The following THADA variants were observed in gnomAD, a reference collection of about 807,000 sequenced individuals.
THADA encodes the protein THADA armadillo repeat containing.
A neutral mutation model predicts 219.8 loss-of-function variants in THADA; 213 were observed. The observed-to-expected ratio is 0.97, with a 90% CI of 0.87 to 1.09. The LOEUF (loss-of-function observed/expected upper bound fraction) is 1.09. THADA is among the 50% of genes least tolerant of loss of function. The probability of loss-of-function intolerance (pLI) is 0.00; values close to 1 mark genes in which losing one functional copy is unlikely to be tolerated. For missense variants in THADA, 2,956 were observed against 2,311.3 expected, an observed-to-expected ratio of 1.28 and a Z score of -5.72; for synonymous variants, 1,018 against 828.9, an observed-to-expected ratio of 1.23 and a Z score of -3.92.
chr2:43,269,604 C>T (rs567545518), intron 36 of THADA, among the ~76,000 whole-genome samples: 6 of 152,344 alleles, frequency 3.9e-5, no homozygotes, highest in South Asian at 2.1e-4. Flanking sequence ...ATGCGGCAAC[C>T]GGAGCTCCAC....
intron 26 of THADA, among the ~76,000 whole-genome samples, chr2:43,454,895 G>A (rs1449146316): frequency 6.6e-6 from 1 of 151,770 alleles, no homozygotes; most frequent in African/African-American, 2.4e-5. Flanking sequence ...TAAGTCCACT[G>A]TCATTTTGAT....
intron 15 of THADA, among the ~76,000 whole-genome samples, chr2:43,561,510 A>C (rs1698059703): frequency 6.6e-6 from 1 of 152,228 alleles, no homozygotes; most frequent in African/African-American, 2.4e-5. Context: ...GCAAAATGTG[A>C]AGAACATTTA....
In THADA at chr2:43,551,812, A is replaced by G. The variant is rs1442292133; in HGVS notation, c.2924T>C (p.Leu975Pro). 1.9e-6 allele frequency: 3 copies of G among 1,613,542 alleles called. No homozygotes were observed. The African/African-American group carries it at 4.0e-5, about 22-fold the overall frequency. Reference protein sequence around the residue: ...PVIQSSSPEGLIPMDTDSESA... With the variant: ...PVIQSSSPEGPIPMDTDSESA... Reference sequence around the variant, plus strand: ...ACCTGAATCAGTGTCCATTGGGATGAGGCCTTCAGGGGATGAGCTCTGAAT... The same window carrying G: ...ACCTGAATCAGTGTCCATTGGGATGGGGCCTTCAGGGGATGAGCTCTGAAT... Residue 975 changes from leucine (L) to proline (P), a missense_variant, in exon 19 of 38, where the codon CTC becomes CCC. Physicochemically the swap from Leu to Pro is moderately conservative, Grantham distance 98. Transcript: ENST00000405975.
intron 31 of THADA, among the ~76,000 whole-genome samples, chr2:43,314,214 A>G (rs2104446153): frequency 1.3e-5 from 2 of 152,340 alleles, no homozygotes; most frequent in Admixed American, 1.3e-4. Context: ...AGCCTAAAAT[A>G]TTCCTATCTA....
At chr2:43,525,922 G>A (rs984190694) in intron 22 of THADA, among the ~76,000 whole-genome samples, 1 of 152,136 alleles carries the variant, frequency 6.6e-6, no homozygotes, top group African/African-American at 2.4e-5. Flanking sequence ...ATAACTGATT[G>A]CAGGCTCTCC....
chr2:43,365,254 C>T (rs1482436826), intron 29 of THADA, among the ~76,000 whole-genome samples: 1 of 151,972 alleles, frequency 6.6e-6, no homozygotes, highest in Non-Finnish European at 1.5e-5. Flanking sequence ...ATCCTTCTCC[C>T]TATATAGAGT....
chr2:43,564,151 C>A (rs1184170534), intron 15 of THADA: 2 of 152,198 alleles, frequency 1.3e-5, no homozygotes, highest in African/African-American at 4.8e-5. Flanking sequence ...TAATCAATCA[C>A]TCTAAGGTAA....
intron 36 of THADA, among the ~76,000 whole-genome samples, chr2:43,262,317 T>C (rs968985375): frequency 3.3e-5 from 5 of 152,222 alleles, no homozygotes; most frequent in African/African-American, 1.2e-4. Context: ...CTTTCTTCCC[T>C]TTCTTTTCAT....
chr2:43,520,447 G>A (rs1009322594), intron 22 of THADA, among the ~76,000 whole-genome samples: 2 of 152,060 alleles, frequency 1.3e-5, no homozygotes, highest in African/African-American at 4.8e-5. Context: ...CAACACTTTG[G>A]GAAGCCAAGG....
At chr2:43,260,033 G>C (rs1385228440) in intron 36 of THADA, among the ~76,000 whole-genome samples, 3 of 152,124 alleles carry the variant, frequency 2.0e-5, no homozygotes, top group Admixed American at 2.0e-4. Context: ...GTCCAGGCTG[G>C]AGTACAGTGG....
rs10469905 is a variant in THADA at position 43,437,562 on chromosome 2, G to T, written c.3837-7260C>A. Among the ~76,000 whole-genome samples the T allele has an allele frequency of 6.9e-3, 1,051 of 152,280 alleles. 3 individuals carry two copies. Among genetic ancestry groups the T allele is most frequent in the South Asian group, 0.015 (72 of 4,824 alleles). On this transcript the variant is annotated intron_variant, in intron 26 of 37. Transcript: ENST00000405975. ...GGATTTGGTGCCAACTCATCACTTA[G>T]ATTAATCGAAGGAGCCAACAGTGTG...
chr2:43,541,556 T>G (rs1695321780), intron 20 of THADA, among the ~76,000 whole-genome samples: 2 of 152,102 alleles, frequency 1.3e-5, no homozygotes. Flanking sequence ...TCACCCAGGC[T>G]GGGGTGCAGT....
intron 31 of THADA, among the ~76,000 whole-genome samples, chr2:43,304,461 C>T (rs920241490): frequency 3.9e-5 from 6 of 152,136 alleles, no homozygotes; most frequent in African/African-American, 1.2e-4. Context: ...GTCGTGCCAC[C>T]GTGGAAGGTC....
At chr2:43,243,466 C>T (rs1239308910) in intron 36 of THADA, among the ~76,000 whole-genome samples, 1 of 152,212 alleles carries the variant, frequency 6.6e-6, no homozygotes, top group Non-Finnish European at 1.5e-5. Flanking sequence ...TGCCTCCAAT[C>T]TCACACAACC....
chr2:43,358,752 T>A (rs1669153048), intron 29 of THADA, among the ~76,000 whole-genome samples: 1 of 152,184 alleles, frequency 6.6e-6, no homozygotes, highest in Non-Finnish European at 1.5e-5. Flanking sequence ...TGAGTGGGCC[T>A]GAGACAGCCT....
At chr2:43,363,420 C>T (rs991835180) in intron 29 of THADA, among the ~76,000 whole-genome samples, 8 of 152,088 alleles carry the variant, frequency 5.3e-5, no homozygotes, top group African/African-American at 7.2e-5. Flanking sequence ...GATGCATGAC[C>T]GTAGTTAATC....
chr2:43,234,708 C>T (rs557049249), intron 36 of THADA, among the ~76,000 whole-genome samples: 6 of 152,308 alleles, frequency 3.9e-5, no homozygotes, highest in African/African-American at 1.2e-4. Context: ...GGCTGGAGTA[C>T]AGTGGCGTGA....
chr2:43,549,393 T>C (rs376047654), intron 19 of THADA, 25 bp from the exon 20 acceptor site: 1 of 1,586,328 alleles, frequency 6.3e-7, no homozygotes, highest in African/African-American at 1.3e-5. Flanking sequence ...TGAGCGTACA[T>C]GAAACCCAGT....
intron 25 of THADA, among the ~76,000 whole-genome samples, chr2:43,488,833 C>G (rs1269449334): frequency 6.6e-6 from 1 of 152,182 alleles, no homozygotes; most frequent in African/African-American, 2.4e-5. Flanking sequence ...TTCTCCACAT[C>G]CTCCCTAATA....
Sources: gnomAD v4.1 joint callset for allele counts (sites outside exome capture counted in the v4.1 genomes callset) on GRCh38, gnomAD v4.1.1 for gene constraint, MANE v1.5 for transcripts, NCBI Gene and HGNC (gene_info 2026-07-23, HGNC 2026-07-21) for gene names.